ZBTB7C: variants seen among roughly 807,000 people sequenced by gnomAD.
ZBTB7C encodes the protein zinc finger and BTB domain-containing protein 7C.
In ZBTB7C, 8 loss-of-function variants were observed where a neutral mutation model predicts 25.7. That is an observed-to-expected ratio of 0.31 (90% CI 0.18 to 0.56). The LOEUF (loss-of-function observed/expected upper bound fraction) is 0.56. Ranked by LOEUF, ZBTB7C falls within the 20% of genes least tolerant of loss-of-function variation. ZBTB7C has a pLI of 0.91. For missense variants in ZBTB7C, 824 were observed against 855.2 expected, an observed-to-expected ratio of 0.96 and a Z score of 0.46; for synonymous variants, 394 against 369.0, an observed-to-expected ratio of 1.07 and a Z score of -0.78.
intron 1 of ZBTB7C, among the ~76,000 whole-genome samples, chr18:48,343,533 G>A (rs969684982): frequency 3.3e-5 from 5 of 152,268 alleles, no homozygotes; most frequent in South Asian, 2.1e-4. Flanking sequence ...TCTGGAGGCC[G>A]CATTGCTGGC....
At chr18:48,367,857 G>A (rs1485176753) in intron 1 of ZBTB7C, among the ~76,000 whole-genome samples, 1 of 151,872 alleles carries the variant, frequency 6.6e-6, no homozygotes, top group African/African-American at 2.4e-5. Context: ...GAGTTGTAAT[G>A]AGGCACTCCA....
chr18:48,221,753 C>T (rs900646917), intron 2 of ZBTB7C, among the ~76,000 whole-genome samples: 11 of 151,738 alleles, frequency 7.2e-5, no homozygotes, highest in African/African-American at 2.4e-4. Context: ...TATATACTGT[C>T]CTTGTCTCCT....
chr18:48,135,109 A>G (rs1279623355), intron 3 of ZBTB7C, among the ~76,000 whole-genome samples: 1 of 151,692 alleles, frequency 6.6e-6, no homozygotes, highest in African/African-American at 2.4e-5. Context: ...ACTTCATCCA[A>G]CCCTTTGAGG....
chr18:48,401,236 A>G (rs1318452298), intron 1 of ZBTB7C, among the ~76,000 whole-genome samples: 1 of 152,004 alleles, frequency 6.6e-6, no homozygotes, highest in Non-Finnish European at 1.5e-5. Flanking sequence ...ACTGTTTTTC[A>G]TTTTTTGGCA....
intron 3 of ZBTB7C, among the ~76,000 whole-genome samples, chr18:48,128,519 C>T (rs1266417854): frequency 1.3e-5 from 2 of 152,248 alleles, no homozygotes; most frequent in Admixed American, 1.3e-4. Context: ...GAGTACTACT[C>T]AGCCACAAAA....
chr18:48,331,257 T>C (rs866649124), intron 2 of ZBTB7C, among the ~76,000 whole-genome samples: 3 of 152,080 alleles, frequency 2.0e-5, no homozygotes, highest in African/African-American at 7.2e-5. Context: ...TGGACCAAAG[T>C]CTCAGAAAAT....
chr18:48,270,677 G>A lies in ZBTB7C; in HGVS notation c.-79+67497C>T, dbSNP rs541950549. ...TGCACTCCAGCCTGGGCCACAGAGT[G>A]AGACTCTGTCTCAAAAAAAAAAAAA... On this transcript the variant is annotated intron_variant, in intron 2 of 4. Transcript: ENST00000590800. Among the ~76,000 whole-genome samples the A allele has an allele frequency of 5.8e-4, 84 of 143,806 alleles. 1 individual carries two copies. Among genetic ancestry groups the A allele is most frequent in the African/African-American group, 1.8e-3 (72 of 39,106 alleles). The allele number at this position is 143,806 out of a possible 152,430, so 94.3% of individuals were successfully genotyped here. A position where few individuals can be genotyped will look rare whatever the true frequency, so the allele number is the denominator to read the frequency against.
intron 3 of ZBTB7C, among the ~76,000 whole-genome samples, chr18:48,175,102 T>C (rs1455332056): frequency 1.3e-5 from 2 of 152,016 alleles, no homozygotes; most frequent in African/African-American, 4.8e-5. Context: ...TTTTTAAAAA[T>C]TAATTTAATA....
chr18:48,029,332 G>T lies in ZBTB7C; in HGVS notation c.1788C>A (p.Ala596=), dbSNP rs201222663. 3.7e-5 allele frequency: 57 copies of T among 1,541,450 alleles called. No homozygotes were observed. The highest frequency in any genetic ancestry group is 4.4e-6 in the Non-Finnish European group (5 of 1,149,030). ...GCCCAGGGAGGCCGGCCAGGCCGGC[G>T]GCCCAAGGGTCGGGCAGCGGGAAGT... ...RPYFPLPDPW[A]AGLAGLPGLA... is the part of the protein sequence containing the mutation. The change falls in exon 5 of 5, where the codon GCC becomes GCA. Residue 596 remains alanine (A), a synonymous_variant. Transcript: ENST00000590800.
intron 1 of ZBTB7C, among the ~76,000 whole-genome samples, chr18:48,341,254 G>C (rs564588490): frequency 1.3e-5 from 2 of 152,170 alleles, no homozygotes; most frequent in Admixed American, 6.5e-5. Context: ...CTTTTCCCCC[G>C]GAGATGTGGG....
At chr18:48,358,085 T>C (rs1052674491) in intron 1 of ZBTB7C, among the ~76,000 whole-genome samples, 1 of 152,184 alleles carries the variant, frequency 6.6e-6, no homozygotes, top group Non-Finnish European at 1.5e-5. Flanking sequence ...ATGCAGTAGC[T>C]CAAACCTGTA....
intron 3 of ZBTB7C, among the ~76,000 whole-genome samples, chr18:48,144,180 G>A (rs1385260642): frequency 2.6e-5 from 4 of 152,080 alleles, no homozygotes; most frequent in Non-Finnish European, 5.9e-5. Context: ...TCGGGAGGCT[G>A]AGGCAGAAGA....
chr18:48,379,192 G>C (rs1358671701), intron 1 of ZBTB7C, among the ~76,000 whole-genome samples: 2 of 152,020 alleles, frequency 1.3e-5, no homozygotes, highest in Non-Finnish European at 2.9e-5. Context: ...CTCTTTCTGG[G>C]TTCTCTATTC....
At chr18:48,389,461 A>ATTT (rs138527928) in intron 1 of ZBTB7C, among the ~76,000 whole-genome samples, 1,087 of 97,586 alleles carry the variant, frequency 0.011, 90 homozygotes, top group African/African-American at 0.041. Context: ...TGACTCTTGG[A>ATTT]TTTTTTTTTT....
intron 2 of ZBTB7C, among the ~76,000 whole-genome samples, chr18:48,304,030 C>T (rs1486827291): frequency 1.3e-5 from 2 of 152,132 alleles, no homozygotes; most frequent in African/African-American, 4.8e-5. Context: ...AGATGAAGAC[C>T]TTGCAGCGAC....
intron 2 of ZBTB7C, among the ~76,000 whole-genome samples, chr18:48,210,907 G>T (rs1433542418): frequency 6.6e-6 from 1 of 152,052 alleles, no homozygotes; most frequent in East Asian, 1.9e-4. Context: ...TATTGAAGAA[G>T]AAAACAAAGT....
At chr18:48,220,777 C>A (rs942497373) in intron 2 of ZBTB7C, among the ~76,000 whole-genome samples, 2 of 152,072 alleles carry the variant, frequency 1.3e-5, no homozygotes, top group Non-Finnish European at 2.9e-5. Context: ...TCCAAGGAAG[C>A]AAATATCATA....
chr18:48,181,889 T>C (rs1383846736), intron 3 of ZBTB7C, among the ~76,000 whole-genome samples: 1 of 152,242 alleles, frequency 6.6e-6, no homozygotes, highest in African/African-American at 2.4e-5. Context: ...TATTGCTTAT[T>C]CTGTTTTAGG....
rs1255950290 is a variant in ZBTB7C, at chr18:48,040,499, G to A, written c.609C>T (p.Thr203=). 4 of 1,613,404 alleles carry A rather than the reference G, an allele frequency of 2.5e-6. No individual in the cohort carries two copies. In the Admixed American group the frequency reaches 6.7e-5, roughly 27 times the overall value. Residue 203 remains threonine, a synonymous_variant, in exon 4 of 5, where the codon ACC becomes ACT. Coordinates refer to ENST00000590800, the MANE Select transcript of ZBTB7C (RefSeq NM_001318841.2). The stretch of plus-strand genomic sequence containing the variant: ...GGAAGGAGTCAGGGAAGTCCCTGGG[G>A]GTGTCTGAATAGGCCTTCTCTGTGA... ...DHLTEKAYSD[T]PRDFPDSFQA... is the part of the protein sequence containing the mutation.
Sources: gnomAD v4.1 joint callset for allele counts (sites outside exome capture counted in the v4.1 genomes callset) on GRCh38, gnomAD v4.1.1 for gene constraint, MANE v1.5 for transcripts, NCBI Gene and HGNC (gene_info 2026-07-23, HGNC 2026-07-21) for gene names.